The following SPATA7 variants were observed in gnomAD, a reference collection of about 807,000 sequenced individuals.
SPATA7 encodes spermatogenesis-associated protein 7.
SPATA7 carries 43 observed loss-of-function variants against 51.8 expected under a neutral mutation model. The ratio of observed to expected loss-of-function variants is 0.83; its 90% confidence interval spans 0.65 to 1.07. SPATA7 has a LOEUF of 1.07. Among genes scored for constraint, SPATA7 ranks in the 50% least tolerant of loss-of-function variants. The probability of loss-of-function intolerance (pLI) is 0.00; values close to 1 mark genes in which losing one functional copy is unlikely to be tolerated. For missense variants in SPATA7, 683 were observed against 701.3 expected (o/e 0.97, Z 0.30); for synonymous variants, 230 against 252.8 (o/e 0.91, Z 0.86).
intron 3 of SPATA7, among the ~76,000 whole-genome samples, chr14:88,449,377 A>C (rs117645156): frequency 6.6e-6 from 1 of 152,056 alleles, no homozygotes; most frequent in African/African-American, 2.4e-5. Flanking sequence ...TTTATTTGGC[A>C]TGGTTTTGAG....
At chr14:88,392,246 A>T (rs73319885) in intron 2 of SPATA7, among the ~76,000 whole-genome samples, 5,363 of 152,282 alleles carry the variant, frequency 0.035, 310 homozygotes, top group African/African-American at 0.12. Flanking sequence ...ATATACATAC[A>T]TAGAAATCAG....
chr14:88,465,162 A>G (rs1048077021), intron 4 of SPATA7, among the ~76,000 whole-genome samples: 4 of 152,158 alleles, frequency 2.6e-5, no homozygotes, highest in Non-Finnish European at 5.9e-5. Context: ...ATTCCAAATG[A>G]TATTCTAAAA....
At chr14:88,427,865 C>T (rs984890711) in intron 7 of SPATA7, 169 bp downstream of exon 7, 3 of 569,556 alleles carry the variant, frequency 5.3e-6, no homozygotes, top group Non-Finnish European at 9.5e-6. Flanking sequence ...ATGGTTATAG[C>T]TCTCTCTGAA....
At chr14:88,450,153 C>G (rs778481540) in intron 3 of SPATA7, among the ~76,000 whole-genome samples, 2 of 151,966 alleles carry the variant, frequency 1.3e-5, no homozygotes, top group Admixed American at 6.6e-5. Flanking sequence ...GCAGGAGTAG[C>G]TATTCCACCC....
chr14:88,436,381 C>T (rs1179189442), intron 10 of SPATA7, among the ~76,000 whole-genome samples: 4 of 152,048 alleles, frequency 2.6e-5, no homozygotes, highest in African/African-American at 9.7e-5. Context: ...TGGATTGTCT[C>T]TTCACTTTGT....
At chr14:88,449,404 G>C (rs891252987) in intron 3 of SPATA7, among the ~76,000 whole-genome samples, 2 of 151,968 alleles carry the variant, frequency 1.3e-5, no homozygotes, top group African/African-American at 4.8e-5. Context: ...TTTTGCAGTT[G>C]GTTTCTAATT....
intron 4 of SPATA7, among the ~76,000 whole-genome samples, chr14:88,397,527 C>CAGCT (rs1161451911): frequency 6.6e-6 from 1 of 151,616 alleles, no homozygotes; most frequent in African/African-American, 2.4e-5. Context: ...ACTCTGGTCC[C>CAGCT]AGCTACTCAG....
At chr14:88,412,897 A>T (rs373084113) in intron 4 of SPATA7, among the ~76,000 whole-genome samples, 1 of 152,176 alleles carries the variant, frequency 6.6e-6, no homozygotes, top group Non-Finnish European at 1.5e-5. Flanking sequence ...CCAGCAGAGT[A>T]TATCCTAGGT....
At chr14:88,434,064 C>T (rs2077010049) in intron 10 of SPATA7, among the ~76,000 whole-genome samples, 2 of 151,978 alleles carry the variant, frequency 1.3e-5, no homozygotes, top group Admixed American at 6.6e-5. Context: ...TATGAATATA[C>T]CTAACACTGC....
intron 7 of SPATA7, chr14:88,427,935 G>T: frequency 2.4e-6 from 1 of 414,006 alleles, no homozygotes. Flanking sequence ...TTTCCTAGAT[G>T]ATTGGTTGGC....
At chr14:88,408,534 A>T (rs1395143006) in intron 4 of SPATA7, among the ~76,000 whole-genome samples, 1 of 152,114 alleles carries the variant, frequency 6.6e-6, no homozygotes, top group African/African-American at 2.4e-5. Flanking sequence ...TTCTGAATAT[A>T]CAATCATGTC....
intron 3 of SPATA7, among the ~76,000 whole-genome samples, chr14:88,449,172 C>G (rs73327487): frequency 6.6e-6 from 1 of 152,040 alleles, no homozygotes; most frequent in African/African-American, 2.4e-5. Flanking sequence ...TCTATTTGTA[C>G]TCTTTCAGAC....
chr14:88,416,409 C>CTTTTTTTTTT (rs536916579), intron 4 of SPATA7: 1 of 120,712 alleles, frequency 8.3e-6, no homozygotes, highest in African/African-American at 3.9e-5. Flanking sequence ...TGTTGGCATT[C>CTTTTTTTTTT]TTTTTTTTTT....
chr14:88,445,679 A>G (rs2077207057), intron 3 of SPATA7, among the ~76,000 whole-genome samples: 1 of 152,174 alleles, frequency 6.6e-6, no homozygotes, highest in Non-Finnish European at 1.5e-5. Flanking sequence ...TAATTTATTG[A>G]GAGTTTTTAG....
chr14:88,427,414 A>C (rs574331609), intron 6 of SPATA7, among the ~76,000 whole-genome samples: 1 of 152,136 alleles, frequency 6.6e-6, no homozygotes, highest in Non-Finnish European at 1.5e-5. Flanking sequence ...ACAATTTAAG[A>C]TTAGTATTTT....
chr14:88,453,484 G>A (rs1340262935), intron 3 of SPATA7, among the ~76,000 whole-genome samples: 1 of 103,236 alleles, frequency 9.7e-6, no homozygotes, highest in Admixed American at 1.3e-4. Context: ...ACTATACTTT[G>A]CCAAGTGAAC....
chr14:88,386,297 C>A (rs2075574535), intron 1 of SPATA7, among the ~76,000 whole-genome samples: 1 of 152,096 alleles, frequency 6.6e-6, no homozygotes, highest in Non-Finnish European at 1.5e-5. Context: ...TAGAGAAGAT[C>A]CTGGCGCATT....
chr14:88,452,830 T>C (rs73327502), intron 3 of SPATA7, among the ~76,000 whole-genome samples: 5,777 of 152,296 alleles, frequency 0.038, 358 homozygotes, highest in African/African-American at 0.13. Context: ...TTCTATGTTA[T>C]ATTTTCCTTC....
chr14:88,468,947 T>C, intron 4 of SPATA7: 1 of 1,614,154 alleles, frequency 6.2e-7, no homozygotes, highest in Non-Finnish European at 8.5e-7. Flanking sequence ...GATCATGATC[T>C]CCGACAAAAT....
Sources: gnomAD v4.1 joint callset for allele counts (sites outside exome capture counted in the v4.1 genomes callset) on GRCh38, gnomAD v4.1.1 for gene constraint, MANE v1.5 for transcripts, NCBI Gene and HGNC (gene_info 2026-07-23, HGNC 2026-07-21) for gene names.